The following MAX variants were observed in gnomAD, a reference collection of about 807,000 sequenced individuals.
MAX encodes MYC associated transcriptional regulator X.
MAX carries 3 observed loss-of-function variants against 22.3 expected under a neutral mutation model. That is an observed-to-expected ratio of 0.13 (90% CI 0.06 to 0.35). The LOEUF (loss-of-function observed/expected upper bound fraction) is 0.35, where lower values mean the gene tolerates loss of function less well. Ranked by LOEUF, MAX falls within the 10% of genes least tolerant of loss-of-function variation. The probability of loss-of-function intolerance (pLI) is 1.00; values close to 1 mark genes in which losing one functional copy is unlikely to be tolerated. For missense variants in MAX, 119 were observed against 209.4 expected, an observed-to-expected ratio of 0.57 and a Z score of 2.66; for synonymous variants, 72 against 77.7, an observed-to-expected ratio of 0.93 and a Z score of 0.39.
At position 65,084,199 on chromosome 14, in the gene MAX, T is replaced by C. The variant is rs755154675; in HGVS notation, c.172-6163A>G. On this transcript the variant is annotated intron_variant, in intron 3 of 4. Transcript: ENST00000358664. This position sits in a 1 kb window ranked among gnomAD's most constrained non-coding sequence, Gnocchi z 4.3. The stretch of plus-strand genomic sequence containing the variant: ...CATTTTTTAAATCTTGCATTCTTTT[T>C]TCTTGTGCACTTGGTAGCTTGAAAT... 4 of 1,614,126 alleles carry C rather than the reference T, an allele frequency of 2.5e-6. No homozygotes were observed. The highest frequency in any genetic ancestry group is 2.2e-5 in the East Asian group (1 of 44,884).
chr14:65,036,425 C>T (rs916378758), intron 3 of MAX, among the ~76,000 whole-genome samples: 3 of 151,670 alleles, frequency 2.0e-5, no homozygotes, highest in East Asian at 1.9e-4. Context: ...TTAGTAGAGA[C>T]GGGGTTTTCC....
At chr14:65,010,548 C>T (rs1283599695) in intron 3 of MAX, among the ~76,000 whole-genome samples, 1 of 152,226 alleles carries the variant, frequency 6.6e-6, no homozygotes, top group Non-Finnish European at 1.5e-5. Context: ...GAGCTTCTAA[C>T]CCTGTCTCCC....
At chr14:65,086,931 G>A (rs1294968193) in intron 3 of MAX, among the ~76,000 whole-genome samples, 1 of 152,206 alleles carries the variant, frequency 6.6e-6, no homozygotes, top group East Asian at 1.9e-4. Context: ...CTTGTGGGCT[G>A]GGCCCAGGGT....
At chr14:65,039,271 A>G (rs1440042831) in intron 3 of MAX, among the ~76,000 whole-genome samples, 4 of 152,200 alleles carry the variant, frequency 2.6e-5, no homozygotes, top group Non-Finnish European at 5.9e-5. Flanking sequence ...TGAAACTGGC[A>G]GCCTTGTGTG....
Position 65,012,253 on chromosome 14 carries a change from C to T in MAX, c.172-5969G>A, listed in dbSNP as rs75959394. 2.0e-3 allele frequency: 3,136 copies of T among 1,604,068 alleles called. 41 individuals carry two copies. In the African/African-American group the frequency reaches 0.031, roughly 16 times the overall value. ...GTTTACCCGTGTGTGTGTACGTGCA[C>T]ATACGTGTGTATGGTGGAAGCATAA... On this transcript the variant is annotated intron_variant, in intron 3 of 3. Coordinates refer to the MAX transcript ENST00000341653. The surrounding 1 kb of genome is among the most constrained non-coding windows in gnomAD (Gnocchi z 5.0).
intron 3 of MAX, among the ~76,000 whole-genome samples, chr14:65,045,316 G>T (rs895996275): frequency 6.6e-6 from 1 of 152,134 alleles, no homozygotes; most frequent in Admixed American, 6.5e-5. Context: ...TTCGGACTTA[G>T]TTGGATAATG....
At position 65,044,293 on chromosome 14, in the gene MAX, C is replaced by G. The variant is rs1444454349; in HGVS notation, c.172-38009G>C. Reference sequence around the variant, plus strand: ...CTCTTTTAGCCTACAACTGCCTTTCCCATCTGTGTCTCCTCAGCAATGGGT... The same window carrying G: ...CTCTTTTAGCCTACAACTGCCTTTCGCATCTGTGTCTCCTCAGCAATGGGT... On this transcript the variant is annotated intron_variant, in intron 3 of 3. Coordinates refer to the MAX transcript ENST00000341653. This position sits in a 1 kb window ranked among gnomAD's most constrained non-coding sequence, Gnocchi z 5.5. The G allele has an allele frequency of 2.5e-6, 4 of 1,611,642 alleles. No homozygotes were observed. Among genetic ancestry groups the G allele is most frequent in the Non-Finnish European group, 3.4e-6 (4 of 1,179,096 alleles).
Position 65,012,496 on chromosome 14 carries a change from C to T in MAX, c.172-6212G>A, listed in dbSNP as rs575419260. Reference sequence around the variant, plus strand: ...TTGGGGCTGACCTGTTGCAGAGTCACTCTTTGTTCTCTGTGGCTCTGGCAG... The same window carrying T: ...TTGGGGCTGACCTGTTGCAGAGTCATTCTTTGTTCTCTGTGGCTCTGGCAG... On this transcript the variant is annotated intron_variant, in intron 3 of 3. Transcript: ENST00000341653. This position sits in a 1 kb window ranked among gnomAD's most constrained non-coding sequence, Gnocchi z 5.0. 15 of 1,419,824 alleles carry T rather than the reference C, an allele frequency of 1.1e-5. No individual in the cohort carries two copies. The highest frequency in any genetic ancestry group is 1.4e-5 in the Non-Finnish European group (15 of 1,035,418). 88.0% of individuals were successfully genotyped at this position (1,419,824 alleles called of 1,614,324 possible).
intron 3 of MAX, among the ~76,000 whole-genome samples, chr14:65,065,227 G>A (rs528895421): frequency 1.3e-5 from 2 of 152,206 alleles, no homozygotes; most frequent in African/African-American, 4.8e-5. Flanking sequence ...GGAAACCAGC[G>A]TGAGAAGCCA....
chr14:65,082,788 G>A lies in MAX; in HGVS notation c.172-4752C>T, dbSNP rs1443123469. Among the ~76,000 whole-genome samples the A allele has an allele frequency of 6.6e-6, 1 of 151,946 alleles. No individual in the cohort carries two copies. Among genetic ancestry groups the A allele is most frequent in the Non-Finnish European group, 1.5e-5 (1 of 67,956 alleles). Reference sequence around the variant, plus strand: ...GTATAAAAAAAAAAAAGTGAAAAATGGTAGTTTGTAATAGCAGGATAGCAG... The same window carrying A: ...GTATAAAAAAAAAAAAGTGAAAAATAGTAGTTTGTAATAGCAGGATAGCAG... On this transcript the variant is annotated intron_variant, in intron 3 of 4. Coordinates refer to ENST00000358664, the MANE Select transcript of MAX (RefSeq NM_002382.5). The surrounding 1 kb of genome is among the most constrained non-coding windows in gnomAD (Gnocchi z 4.8).
At chr14:65,006,944 GAA>G (rs1013524964) in intron 3 of MAX, among the ~76,000 whole-genome samples, 1 of 150,770 alleles carries the variant, frequency 6.6e-6, no homozygotes, top group Non-Finnish European at 1.5e-5. Flanking sequence ...GTATGGGTGG[GAA>G]AAAAAAAGTG....
intron 3 of MAX, among the ~76,000 whole-genome samples, chr14:65,060,783 G>C (rs979457762): frequency 2.1e-5 from 3 of 144,078 alleles, no homozygotes; most frequent in African/African-American, 7.7e-5. Context: ...TGAGGCAGGA[G>C]AATTGCTTGA....
intron 3 of MAX, among the ~76,000 whole-genome samples, chr14:65,085,960 T>C (rs1337301643): frequency 6.6e-6 from 1 of 152,188 alleles, no homozygotes; most frequent in Non-Finnish European, 1.5e-5. Context: ...TTCCCATGTG[T>C]CGGGGGAGGA....
chr14:65,100,342 C>T (rs1288880953), intron 2 of MAX, among the ~76,000 whole-genome samples: 6 of 152,148 alleles, frequency 3.9e-5, no homozygotes, highest in South Asian at 2.1e-4. Context: ...CCCAGCTATT[C>T]GGGAGGCTGA....
rs907708509 is a variant in MAX, at chr14:65,030,576, A to G, written c.172-24292T>C. Among the ~76,000 whole-genome samples, 1 of 152,028 alleles carries G rather than the reference A, an allele frequency of 6.6e-6. No homozygotes were observed. The highest frequency in any genetic ancestry group is 1.5e-5 in the Non-Finnish European group (1 of 68,004). On this transcript the variant is annotated intron_variant, in intron 3 of 3. Coordinates refer to the MAX transcript ENST00000341653. This position sits in a 1 kb window ranked among gnomAD's most constrained non-coding sequence, Gnocchi z 4.5. ...TAACACAGCAAGACCCTGTCTCTAC[A>G]AAAAATTTTTAAAAAATTAGCCAGG...
rs1028037337 is a variant in MAX, at chr14:65,079,647, CA to C, written c.172-1612del. ...GGGAGTGCTTGACAATTCTGTATTA[CA>C]AGCCCAATGGGTCCTAAACAACCAG... is the stretch of plus-strand genomic sequence containing the variant. On this transcript the variant is annotated intron_variant, in intron 3 of 4. Transcript: ENST00000358664. The surrounding 1 kb of genome is among the most constrained non-coding windows in gnomAD (Gnocchi z 4.5). 2.0e-5 allele frequency among the ~76,000 whole-genome samples: 3 copies of C among 152,210 alleles called. No individual in the cohort carries two copies. The highest frequency in any genetic ancestry group is 7.2e-5 in the African/African-American group (3 of 41,458).
chr14:65,042,612 G>A (rs1379427538), intron 3 of MAX, among the ~76,000 whole-genome samples: 1 of 152,226 alleles, frequency 6.6e-6, no homozygotes, highest in African/African-American at 2.4e-5. Context: ...ATGGTCTGGG[G>A]GTTAGGGACC....
rs1322087365 is a variant in MAX at position 65,023,010 on chromosome 14, T to C, written c.172-16726A>G. On this transcript the variant is annotated intron_variant, in intron 3 of 3. Transcript: ENST00000341653. This position sits in a 1 kb window ranked among gnomAD's most constrained non-coding sequence, Gnocchi z 4.1. ...TTTTGTATTATATGCTTATTTACTGTACATGCCTTTGAATCCTTCATCCAA... is the reference window on the plus strand; with the variant it reads ...TTTTGTATTATATGCTTATTTACTGCACATGCCTTTGAATCCTTCATCCAA... Among the ~76,000 whole-genome samples the C allele has an allele frequency of 2.0e-5, 3 of 152,232 alleles. No individual in the cohort carries two copies. The highest frequency in any genetic ancestry group is 7.2e-5 in the African/African-American group (3 of 41,462).
chr14:65,089,574 G>A (rs1480639817), intron 3 of MAX, among the ~76,000 whole-genome samples: 2 of 151,558 alleles, frequency 1.3e-5, no homozygotes, highest in African/African-American at 4.8e-5. Flanking sequence ...AATCATTCTG[G>A]CTCAGGTACT....
Sources: gnomAD v4.1 joint callset for allele counts (sites outside exome capture counted in the v4.1 genomes callset) on GRCh38, gnomAD v4.1.1 for gene constraint, Gnocchi (gnomAD v3.1) non-coding constraint, MANE v1.5 for transcripts, NCBI Gene and HGNC (gene_info 2026-07-23, HGNC 2026-07-21) for gene names.